Variants in CPEB3 observed in about 807,000 individuals in gnomAD.
The protein encoded by CPEB3 is cytoplasmic polyadenylation element binding protein 3.
In CPEB3, 20 loss-of-function variants were observed where a neutral mutation model predicts 67.2. The observed-to-expected ratio is 0.30, with a 90% confidence interval of 0.21 to 0.43. CPEB3 has a LOEUF of 0.43. CPEB3 is among the 20% of genes least tolerant of loss of function. The pLI is 1.00. For missense variants in CPEB3, 746 were observed against 968.6 expected, an observed-to-expected ratio of 0.77 and a Z score of 3.05; for synonymous variants, 376 against 393.1, an observed-to-expected ratio of 0.96 and a Z score of 0.51.
At chr10:92,217,040 A>G (rs1410514820) in intron 2 of CPEB3, among the ~76,000 whole-genome samples, 89 of 117,030 alleles carry the variant, frequency 7.6e-4, no homozygotes, top group Non-Finnish European at 1.5e-3. Flanking sequence ...TGCTAAGACT[A>G]AAAAAAAAAA....
chr10:92,049,900 GA>G lies in CPEB3; in HGVS notation c.*2311del, dbSNP rs1202631073. ...ATTTTCAAAAAACACAAATAAGCAT[GA>G]AAAAAATAAAGTTACCCATCTGTTA... On this transcript the variant is annotated 3_prime_UTR_variant, in exon 10 of 10. Transcript: ENST00000265997. 6.6e-6 allele frequency: 1 copy of G among 152,134 alleles called. No homozygotes were observed. Among genetic ancestry groups the G allele is most frequent in the Non-Finnish European group, 1.5e-5 (1 of 67,914 alleles). 9.4% of individuals were successfully genotyped at this position (152,134 alleles called of 1,614,324 possible).
Position 92,230,003 on chromosome 10 carries a change from A to C in CPEB3, c.1005+9343T>G, listed in dbSNP as rs180781725. Among the ~76,000 whole-genome samples, 504 of 152,154 alleles carry C rather than the reference A, an allele frequency of 3.3e-3. 3 individuals carry two copies. The highest frequency in any genetic ancestry group is 5.1e-3 in the Non-Finnish European group (350 of 67,994). On this transcript the variant is annotated intron_variant, in intron 2 of 9. Coordinates refer to ENST00000265997, the MANE Select transcript of CPEB3 (RefSeq NM_014912.5). ...GGAGGTTGCGGTGAGCCGAGATCGC[A>C]CCATTGCACTCCAGCCTAGGCAACG...
Position 92,049,674 on chromosome 10 carries a change from A to G in CPEB3, c.*2538T>C, listed in dbSNP as rs1346931369. The stretch of plus-strand genomic sequence containing the variant: ...AAATGGAGTTTATTTTTTGTAACCT[A>G]TTCTTCAGGACAATGTTTTTTGCCT... On this transcript the variant is annotated 3_prime_UTR_variant, in exon 10 of 10. Coordinates refer to ENST00000265997, the MANE Select transcript of CPEB3 (RefSeq NM_014912.5). 2 of 152,598 alleles carry G rather than the reference A, an allele frequency of 1.3e-5. No individual in the cohort carries two copies. Among genetic ancestry groups the G allele is most frequent in the African/African-American group, 4.8e-5 (2 of 41,450 alleles). 9.5% of individuals were successfully genotyped at this position (152,598 alleles called of 1,614,324 possible).
chr10:92,151,194 A>G (rs992746912), intron 4 of CPEB3, among the ~76,000 whole-genome samples: 2 of 152,174 alleles, frequency 1.3e-5, no homozygotes, highest in African/African-American at 4.8e-5. Flanking sequence ...ACAAAAGCCC[A>G]TTGGCCAAGC....
At chr10:92,178,627 A>AG (rs746089953) in intron 4 of CPEB3, among the ~76,000 whole-genome samples, 4 of 152,134 alleles carry the variant, frequency 2.6e-5, no homozygotes, top group Non-Finnish European at 5.9e-5. Flanking sequence ...GATTGCTTGC[A>AG]GCAAGGAGTT....
intron 9 of CPEB3, among the ~76,000 whole-genome samples, chr10:92,062,708 T>C (rs563790589): frequency 6.6e-6 from 1 of 152,226 alleles, no homozygotes; most frequent in Non-Finnish European, 1.5e-5. Flanking sequence ...CAAACAAATA[T>C]ATAACAAAAT....
intron 1 of CPEB3, among the ~76,000 whole-genome samples, chr10:92,264,664 C>T (rs1590573070): frequency 6.9e-6 from 1 of 145,800 alleles, no homozygotes; most frequent in South Asian, 2.2e-4. Flanking sequence ...TGCAGTGAGC[C>T]GAGATCACGC....
intron 4 of CPEB3, among the ~76,000 whole-genome samples, chr10:92,153,900 A>T (rs1036926682): frequency 6.6e-6 from 1 of 152,192 alleles, no homozygotes; most frequent in African/African-American, 2.4e-5. Context: ...ATATATATTA[A>T]ATGTGTAGGC....
At chr10:92,090,620 T>C (rs985876930) in intron 8 of CPEB3, among the ~76,000 whole-genome samples, 5 of 152,236 alleles carry the variant, frequency 3.3e-5, no homozygotes, top group Non-Finnish European at 5.9e-5. Context: ...TAGCAATGAT[T>C]GTCCATTTGT....
At chr10:92,071,015 T>C (rs1013182885) in intron 9 of CPEB3, among the ~76,000 whole-genome samples, 1 of 151,940 alleles carries the variant, frequency 6.6e-6, no homozygotes, top group Non-Finnish European at 1.5e-5. Flanking sequence ...TAATGTGTTA[T>C]CAGTGCTATC....
intron 4 of CPEB3, among the ~76,000 whole-genome samples, chr10:92,159,242 G>A (rs1052752836): frequency 1.3e-5 from 2 of 151,940 alleles, no homozygotes; most frequent in African/African-American, 2.4e-5. Context: ...CAGCCTGGGC[G>A]ACAGAGCAAG....
chr10:92,132,218 G>A (rs562192098), intron 6 of CPEB3, among the ~76,000 whole-genome samples: 1 of 152,258 alleles, frequency 6.6e-6, no homozygotes, highest in African/African-American at 2.4e-5. Context: ...AGAAACAGAA[G>A]AGATGACCTC....
chr10:92,240,082 G>T lies in CPEB3; in HGVS notation c.269C>A (p.Pro90Gln), dbSNP rs753852984. 16 of 1,584,516 alleles carry T rather than the reference G, an allele frequency of 1.0e-5. No homozygotes were observed. In the Admixed American group the frequency reaches 1.1e-4, roughly 11 times the overall value. ...TGCCGCGGGCTCCTGAGGCGGCGGCGGCTGCTGAGGAGGCTGATGGAAACT... is the reference window on the plus strand; with the variant it reads ...TGCCGCGGGCTCCTGAGGCGGCGGCTGCTGCTGAGGAGGCTGATGGAAACT... ...GLSFHQPPQQ[P>Q]PPPQEPAAPG... The change falls in exon 2 of 10, where the codon CCG becomes CAG. Residue 90 changes from proline (P) to glutamine (Q), a missense_variant. This residue lies in a region of CPEB3 where 643 missense variants were observed against 717.5 expected (regional missense o/e 0.90). Coordinates refer to ENST00000265997, the MANE Select transcript of CPEB3 (RefSeq NM_014912.5).
At chr10:92,139,400 A>G (rs1007970440) in intron 6 of CPEB3, among the ~76,000 whole-genome samples, 6 of 152,184 alleles carry the variant, frequency 3.9e-5, no homozygotes, top group Non-Finnish European at 7.3e-5. Flanking sequence ...ACTGGAGGAC[A>G]TTATGATAAG....
intron 6 of CPEB3, among the ~76,000 whole-genome samples, chr10:92,120,532 C>T (rs1186739821): frequency 6.6e-6 from 1 of 151,608 alleles, no homozygotes; most frequent in East Asian, 1.9e-4. Context: ...TGCAGTGAGC[C>T]GAGACTGCAC....
intron 6 of CPEB3, among the ~76,000 whole-genome samples, chr10:92,129,089 C>T (rs1157226316): frequency 2.6e-5 from 4 of 152,218 alleles, no homozygotes; most frequent in Admixed American, 6.5e-5. Context: ...TGGAATCAAC[C>T]TAAATGCCTA....
intron 1 of CPEB3, among the ~76,000 whole-genome samples, chr10:92,275,164 G>C (rs566507569): frequency 5.3e-5 from 8 of 152,304 alleles, no homozygotes; most frequent in Admixed American, 2.0e-4. Flanking sequence ...CTCAACCTCA[G>C]CATTACTGAT....
At chr10:92,096,478 C>T (rs1843886121) in intron 7 of CPEB3, among the ~76,000 whole-genome samples, 1 of 152,044 alleles carries the variant, frequency 6.6e-6, no homozygotes, top group Admixed American at 6.6e-5. Flanking sequence ...AACAATTCTT[C>T]CAGTATGTTG....
chr10:92,178,705 A>T (rs1426413473), intron 4 of CPEB3, among the ~76,000 whole-genome samples: 1 of 152,196 alleles, frequency 6.6e-6, no homozygotes, highest in Non-Finnish European at 1.5e-5. Flanking sequence ...TACATATTTT[A>T]AAAAAGAAGA....
Sources: gnomAD v4.1 joint callset for allele counts (sites outside exome capture counted in the v4.1 genomes callset) on GRCh38, gnomAD v4.1.1 for gene constraint, gnomAD v4.1.1 regional missense constraint, MANE v1.5 for transcripts, NCBI Gene and HGNC (gene_info 2026-07-23, HGNC 2026-07-21) for gene names.